ANKRD13C: variants seen among roughly 807,000 people sequenced by gnomAD.
ANKRD13C encodes ankyrin repeat domain-containing protein 13C.
A neutral mutation model predicts 65.5 loss-of-function variants in ANKRD13C; 16 were observed. The ratio of observed to expected loss-of-function variants is 0.24; its 90% CI spans 0.17 to 0.37. The LOEUF is 0.37. Ranked by LOEUF, ANKRD13C falls within the 10% of genes least tolerant of loss-of-function variation. ANKRD13C has a pLI of 1.00. For missense variants in ANKRD13C, 503 were observed against 655.9 expected (o/e 0.77, Z 2.55); for synonymous variants, 235 against 238.7 (o/e 0.98, Z 0.14).
Position 70,259,768 on chromosome 1 carries a change from A to T in ANKRD13C, c.*2949T>A, listed in dbSNP as rs1678331764. ...GTTGCTTTTCTCTAGCATGTTTGTAAATATGGGTAATATCAATGAGCAGAA... is the reference window on the plus strand; with the variant it reads ...GTTGCTTTTCTCTAGCATGTTTGTATATATGGGTAATATCAATGAGCAGAA... On this transcript the variant is annotated 3_prime_UTR_variant, in exon 13 of 13. Transcript: ENST00000370944. Among the ~76,000 whole-genome samples the T allele has an allele frequency of 6.6e-6, 1 of 152,176 alleles. No individual in the cohort carries two copies. The highest frequency in any genetic ancestry group is 1.5e-5 in the Non-Finnish European group (1 of 68,008).
chr1:70,324,742 A>G (rs1035268448), intron 3 of ANKRD13C, 111 bp downstream of exon 3: 19 of 706,908 alleles, frequency 2.7e-5, no homozygotes, highest in Non-Finnish European at 4.0e-5. Flanking sequence ...AAGTTTACAC[A>G]TAATTGCAAA....
rs562752437 is a variant in ANKRD13C at position 70,296,510 on chromosome 1, C to T, written c.922-249G>A. Among the ~76,000 whole-genome samples, 4 of 152,212 alleles carry T rather than the reference C, an allele frequency of 2.6e-5. No homozygotes were observed. The East Asian group carries it at 5.8e-4, about 22-fold the overall frequency. ...AAAGCAGGACACATGAAATACGGTA[C>T]TATTATCCTGTTATAGATATGTAAT... On this transcript the variant is annotated intron_variant, in intron 7 of 12. Coordinates refer to ENST00000370944, the MANE Select transcript of ANKRD13C (RefSeq NM_030816.5).
intron 2 of ANKRD13C, among the ~76,000 whole-genome samples, chr1:70,325,997 T>C (rs570023900): frequency 4.6e-5 from 7 of 151,960 alleles, no homozygotes; most frequent in Non-Finnish European, 8.8e-5. Flanking sequence ...TTTGGGAGGC[T>C]GAAGTGGGCC....
At chr1:70,339,404 G>A (rs368175842) in intron 1 of ANKRD13C, among the ~76,000 whole-genome samples, 121 of 143,650 alleles carry the variant, frequency 8.4e-4, no homozygotes, top group African/African-American at 3.1e-3. Flanking sequence ...TGTAACCTCC[G>A]CCTCCCGGGT....
chr1:70,337,157 A>T (rs1682078375), intron 1 of ANKRD13C, among the ~76,000 whole-genome samples: 1 of 151,504 alleles, frequency 6.6e-6, no homozygotes, highest in Non-Finnish European at 1.5e-5. Context: ...ACACACACAC[A>T]CACACACACA....
rs1385933039 is a variant in ANKRD13C, at chr1:70,296,143, C to T, written c.1040G>A (p.Arg347Gln). The stretch of plus-strand genomic sequence containing the variant: ...ATTTGCACATACTGTTTTATCTTCC[C>T]GAAAAAGCCATCCTGTCTGGGCACG... The part of the protein sequence containing the change: ...FTRAQTGWLF[R>Q]EDKTERVGNF... Residue 347 changes from arginine (R) to glutamine (Q), a missense_variant, in exon 8 of 13, where the codon CGG becomes CAG. Physicochemically the swap from Arg to Gln is conservative, Grantham distance 43. This residue lies in a region of ANKRD13C where 300 missense variants were observed against 478.3 expected (regional missense o/e 0.63). Transcript: ENST00000370944. The T allele has an allele frequency of 1.9e-6, 3 of 1,613,040 alleles. No homozygotes were observed. Among genetic ancestry groups the T allele is most frequent in the East Asian group, 2.2e-5 (1 of 44,822 alleles).
intron 1 of ANKRD13C, among the ~76,000 whole-genome samples, chr1:70,349,981 C>G (rs1434528520): frequency 2.0e-5 from 3 of 151,934 alleles, no homozygotes; most frequent in East Asian, 3.9e-4. Context: ...ACTAAAAATA[C>G]AAAAATACAA....
intron 8 of ANKRD13C, among the ~76,000 whole-genome samples, chr1:70,295,487 C>T (rs1312017009): frequency 2.0e-5 from 3 of 152,060 alleles, no homozygotes; most frequent in African/African-American, 7.2e-5. Flanking sequence ...ACCTCGTGAT[C>T]CGCCGGCCTC....
At chr1:70,288,690 C>T (rs1352819849) in intron 9 of ANKRD13C, among the ~76,000 whole-genome samples, 2 of 152,066 alleles carry the variant, frequency 1.3e-5, no homozygotes, top group Non-Finnish European at 2.9e-5. Context: ...AACAGCAACA[C>T]TAAAGAAATG....
rs1341462768 is a variant in ANKRD13C, at chr1:70,259,619, G to C, written c.*3098C>G. Among the ~76,000 whole-genome samples, 1 of 152,212 alleles carries C rather than the reference G, an allele frequency of 6.6e-6. No homozygotes were observed. Among genetic ancestry groups the C allele is most frequent in the Admixed American group, 6.5e-5 (1 of 15,280 alleles). ...TGACATAAAATGCTTTGCAAGAGTAGTTTTGGCTAATTTATAGTATACAAA... is the reference window on the plus strand; with the variant it reads ...TGACATAAAATGCTTTGCAAGAGTACTTTTGGCTAATTTATAGTATACAAA... On this transcript the variant is annotated 3_prime_UTR_variant, in exon 13 of 13. Coordinates refer to ENST00000370944, the MANE Select transcript of ANKRD13C (RefSeq NM_030816.5).
At chr1:70,271,212 C>T (rs528798273) in intron 11 of ANKRD13C, among the ~76,000 whole-genome samples, 2 of 152,258 alleles carry the variant, frequency 1.3e-5, no homozygotes, top group Non-Finnish European at 2.9e-5. Flanking sequence ...ACTAGATTCA[C>T]TGTTTGGGTG....
At chr1:70,294,873 A>G (rs921720966) in intron 8 of ANKRD13C, among the ~76,000 whole-genome samples, 2 of 152,078 alleles carry the variant, frequency 1.3e-5, no homozygotes, top group Non-Finnish European at 2.9e-5. Context: ...CAAGAGCACA[A>G]TATCCACTCT....
At chr1:70,352,771 G>A (rs1177696391) in intron 1 of ANKRD13C, among the ~76,000 whole-genome samples, 1 of 152,172 alleles carries the variant, frequency 6.6e-6, no homozygotes, top group Non-Finnish European at 1.5e-5. Flanking sequence ...TAATTTAAAT[G>A]TAGGAAAGAA....
intron 1 of ANKRD13C, among the ~76,000 whole-genome samples, chr1:70,338,225 C>T (rs78318694): frequency 1.3e-5 from 2 of 152,140 alleles, no homozygotes; most frequent in South Asian, 4.1e-4. Flanking sequence ...AAGAAACCAT[C>T]CCTCCCCTCA....
intron 3 of ANKRD13C, among the ~76,000 whole-genome samples, chr1:70,316,786 A>G (rs1001865118): frequency 6.6e-6 from 1 of 152,214 alleles, no homozygotes; most frequent in Admixed American, 6.5e-5. Context: ...AAGAAAAAAT[A>G]TTAGACTTGA....
rs1678428081 is a variant in ANKRD13C at position 70,262,507 on chromosome 1, T to C, written c.*210A>G. On this transcript the variant is annotated 3_prime_UTR_variant, in exon 13 of 13. Coordinates refer to ENST00000370944, the MANE Select transcript of ANKRD13C (RefSeq NM_030816.5). Reference sequence around the variant, plus strand: ...GTCAAACTATTACATTTATAATATGTATATTTTTAAAAAGACAAAAAATGG... The same window carrying C: ...GTCAAACTATTACATTTATAATATGCATATTTTTAAAAAGACAAAAAATGG... 2.7e-6 allele frequency: 1 copy of C among 364,556 alleles called. No individual in the cohort carries two copies. The highest frequency in any genetic ancestry group is 4.7e-5 in the East Asian group (1 of 21,150). 22.6% of individuals were successfully genotyped at this position (364,556 alleles called of 1,614,324 possible).
chr1:70,343,258 G>A (rs1274967730), intron 1 of ANKRD13C, among the ~76,000 whole-genome samples: 1 of 152,074 alleles, frequency 6.6e-6, no homozygotes. Context: ...ACGATCACCT[G>A]GCTAACAGTG....
chr1:70,326,685 C>T (rs1484986792), intron 2 of ANKRD13C, among the ~76,000 whole-genome samples: 1 of 151,868 alleles, frequency 6.6e-6, no homozygotes, highest in African/African-American at 2.4e-5. Context: ...GGCAATTATA[C>T]TGGAAACAAA....
Position 70,261,691 on chromosome 1 carries a change from C to T in ANKRD13C, c.*1026G>A, listed in dbSNP as rs879802871. The T allele has an allele frequency of 9.2e-5, 14 of 152,424 alleles. No homozygotes were observed. Among genetic ancestry groups the T allele is most frequent in the Admixed American group, 8.5e-4 (13 of 15,256 alleles). 9.4% of individuals were successfully genotyped at this position (152,424 alleles called of 1,614,324 possible). On this transcript the variant is annotated 3_prime_UTR_variant, in exon 13 of 13. Coordinates refer to ENST00000370944, the MANE Select transcript of ANKRD13C (RefSeq NM_030816.5). The stretch of plus-strand genomic sequence containing the variant: ...ACTTGTAACAAATATATTCTGTTAG[C>T]ATATAAAATGTTTTTATCTTATTTT...
Sources: gnomAD v4.1 joint callset for allele counts (sites outside exome capture counted in the v4.1 genomes callset) on GRCh38, gnomAD v4.1.1 for gene constraint, gnomAD v4.1.1 regional missense constraint, MANE v1.5 for transcripts, NCBI Gene and HGNC (gene_info 2026-07-23, HGNC 2026-07-21) for gene names.